The following BACH2 variants were observed in gnomAD, a reference collection of about 807,000 sequenced individuals.
BACH2 encodes the protein transcription regulator protein BACH2.
In BACH2, 5 loss-of-function variants were observed where a neutral mutation model predicts 61.8. The ratio of observed to expected loss-of-function variants is 0.08; its 90% CI spans 0.04 to 0.17. The LOEUF (loss-of-function observed/expected upper bound fraction) is 0.17, where lower values mean the gene tolerates loss of function less well. Ranked by LOEUF, BACH2 falls within the 10% of genes least tolerant of loss-of-function variation. BACH2 has a pLI of 1.00. For synonymous variants in BACH2, 446 were observed against 440.1 expected (o/e 1.01, Z -0.17); for missense variants, 824 against 1,091.1 (o/e 0.76, Z 3.45).
intron 1 of BACH2, among the ~76,000 whole-genome samples, chr6:90,296,055 C>T (rs1329272258): frequency 6.6e-6 from 1 of 151,966 alleles, no homozygotes; most frequent in East Asian, 2.0e-4. Context: ...CCGGGCCTCG[C>T]CGGGCCGGGG....
intron 1 of BACH2, among the ~76,000 whole-genome samples, chr6:90,282,981 T>C (rs968875261): frequency 6.6e-6 from 1 of 152,252 alleles, no homozygotes; most frequent in Non-Finnish European, 1.5e-5. Context: ...GTCAACTAAA[T>C]ACAAAAACTC....
intron 3 of BACH2, among the ~76,000 whole-genome samples, chr6:90,246,616 T>C (rs1026275989): frequency 6.6e-6 from 1 of 152,140 alleles, no homozygotes; most frequent in Admixed American, 6.5e-5. Flanking sequence ...GTTTGTAGAA[T>C]TACCCCCAAT....
intron 6 of BACH2, among the ~76,000 whole-genome samples, chr6:90,006,245 C>T (rs16882347): frequency 0.17 from 25,614 of 152,130 alleles, 2,385 homozygotes; most frequent in Middle Eastern, 0.27. Flanking sequence ...AAGAGACTTA[C>T]GTTTGTCAAA....
At chr6:90,256,816 T>A (rs1770994806) in intron 2 of BACH2, among the ~76,000 whole-genome samples, 1 of 152,176 alleles carries the variant, frequency 6.6e-6, no homozygotes, top group Non-Finnish European at 1.5e-5. Flanking sequence ...GTCTTCATAC[T>A]GCACATTAGA....
chr6:90,140,316 G>T (rs1295150834), intron 4 of BACH2, among the ~76,000 whole-genome samples: 1 of 152,098 alleles, frequency 6.6e-6, no homozygotes, highest in Non-Finnish European at 1.5e-5. Flanking sequence ...AAGCTACTTG[G>T]TGTCAAACTA....
intron 1 of BACH2, among the ~76,000 whole-genome samples, chr6:90,272,485 C>T (rs915600147): frequency 6.6e-6 from 1 of 152,148 alleles, no homozygotes; most frequent in Non-Finnish European, 1.5e-5. Flanking sequence ...CTCCTTTATT[C>T]TCAACTCTCC....
chr6:90,139,224 C>A (rs1270548012), intron 4 of BACH2, among the ~76,000 whole-genome samples: 1 of 152,194 alleles, frequency 6.6e-6, no homozygotes, highest in Non-Finnish European at 1.5e-5. Flanking sequence ...CCTTTCTCCA[C>A]CCTTTTCTTC....
intron 1 of BACH2, among the ~76,000 whole-genome samples, chr6:90,283,406 C>T (rs1333616338): frequency 2.7e-5 from 4 of 150,006 alleles, no homozygotes; most frequent in Admixed American, 2.0e-4. Context: ...GATGGAGTTT[C>T]GCTCTGTTGC....
rs139305213 is a variant in BACH2, at chr6:89,967,360, G to A, written c.244-15498C>T. On this transcript the variant is annotated intron_variant, in intron 6 of 8. Transcript: ENST00000257749. ...AAGAACACCAGGTGTTCTTTTTCTG[G>A]GTGAATCAAACTATTTCTGAGTTTA... Among the ~76,000 whole-genome samples the A allele has an allele frequency of 3.4e-3, 521 of 152,126 alleles. 3 individuals are homozygous for A. The highest frequency in any genetic ancestry group is 0.012 in the African/African-American group (478 of 41,482).
At chr6:89,949,737 T>C (rs1338259152) in intron 7 of BACH2, among the ~76,000 whole-genome samples, 1 of 152,178 alleles carries the variant, frequency 6.6e-6, no homozygotes, top group Non-Finnish European at 1.5e-5. Context: ...CGGTGAGGCT[T>C]CCATCACCTT....
chr6:89,991,607 A>G (rs1383870933), intron 6 of BACH2, among the ~76,000 whole-genome samples: 4 of 152,214 alleles, frequency 2.6e-5, no homozygotes, highest in Non-Finnish European at 4.4e-5. Context: ...CTACATAACC[A>G]AAATACCATT....
At chr6:90,230,966 G>A (rs894851007) in intron 3 of BACH2, among the ~76,000 whole-genome samples, 5 of 152,094 alleles carry the variant, frequency 3.3e-5, no homozygotes, top group African/African-American at 9.7e-5. Context: ...CTGTCCTTGT[G>A]GTCAAGGCCA....
chr6:90,293,176 G>A (rs533170915), intron 1 of BACH2, among the ~76,000 whole-genome samples: 1 of 152,326 alleles, frequency 6.6e-6, no homozygotes, highest in Admixed American at 6.5e-5. Flanking sequence ...TTATGCCCAT[G>A]AAGCTAGTAC....
At chr6:90,221,404 G>A (rs917863779) in intron 3 of BACH2, among the ~76,000 whole-genome samples, 1 of 152,138 alleles carries the variant, frequency 6.6e-6, no homozygotes, top group Non-Finnish European at 1.5e-5. Context: ...CATGGCCAAT[G>A]GTTAAGATGA....
At chr6:90,067,876 T>A (rs570755974) in intron 5 of BACH2, among the ~76,000 whole-genome samples, 1 of 152,182 alleles carries the variant, frequency 6.6e-6, no homozygotes, top group Admixed American at 6.5e-5. Flanking sequence ...GTCCCCAGAG[T>A]ATACCACAGG....
chr6:90,183,300 T>A (rs992477404), intron 4 of BACH2, among the ~76,000 whole-genome samples: 1 of 152,260 alleles, frequency 6.6e-6, no homozygotes, highest in African/African-American at 2.4e-5. Context: ...TTTATCATTA[T>A]GTTTACACTG....
chr6:90,271,359 C>A, intron 2 of BACH2, among the ~76,000 whole-genome samples: 1 of 94,324 alleles, frequency 1.1e-5, no homozygotes. Context: ...ATAAAAACAA[C>A]CCCATTTAAA....
At chr6:90,040,055 G>T (rs1779459164) in intron 5 of BACH2, among the ~76,000 whole-genome samples, 2 of 147,848 alleles carry the variant, frequency 1.4e-5, no homozygotes. Context: ...GGTTTATGGT[G>T]GTATTTGCTG....
intron 7 of BACH2, among the ~76,000 whole-genome samples, chr6:89,940,009 TTTC>T (rs1245290736): frequency 6.6e-6 from 1 of 151,670 alleles, no homozygotes; most frequent in South Asian, 2.1e-4. Flanking sequence ...GCCTGAAATA[TTTC>T]TTTTCTTTTT....
Sources: gnomAD v4.1 joint callset for allele counts (sites outside exome capture counted in the v4.1 genomes callset) on GRCh38, gnomAD v4.1.1 for gene constraint, MANE v1.5 for transcripts, NCBI Gene and HGNC (gene_info 2026-07-23, HGNC 2026-07-21) for gene names.